The following NSUN6 variants were observed in gnomAD, a reference collection of about 807,000 sequenced individuals.
NSUN6 encodes the protein tRNA (cytosine(72)-C(5))-methyltransferase NSUN6.
NSUN6 carries 64 observed loss-of-function variants against 58.0 expected under a neutral mutation model. The observed-to-expected ratio is 1.10, with a 90% CI of 0.90 to 1.36. NSUN6 has a LOEUF of 1.36. NSUN6 is among the 40% of genes most tolerant of loss of function. The pLI is 0.00. For synonymous variants in NSUN6, 231 were observed against 193.9 expected (o/e 1.19, Z -1.59); for missense variants, 701 against 550.1 (o/e 1.27, Z -2.74).
intron 3 of NSUN6, among the ~76,000 whole-genome samples, chr10:18,635,693 C>A (rs2059189191): frequency 6.6e-6 from 1 of 151,556 alleles, no homozygotes; most frequent in Non-Finnish European, 1.5e-5. Context: ...CAAAAATTAG[C>A]CAGGTATGGT....
intron 8 of NSUN6, among the ~76,000 whole-genome samples, chr10:18,578,854 A>G (rs1275853876): frequency 6.6e-6 from 1 of 152,192 alleles, no homozygotes; most frequent in Non-Finnish European, 1.5e-5. Context: ...GCTGCATTTC[A>G]GCGCACTCAC....
Position 18,577,743 on chromosome 10 carries a change from A to G in NSUN6, c.922+8206T>C, listed in dbSNP as rs926233132. 3.3e-5 allele frequency among the ~76,000 whole-genome samples: 5 copies of G among 152,174 alleles called. No individual in the cohort carries two copies. In the South Asian group the frequency reaches 1.0e-3, roughly 31 times the overall value. ...TACTTTTAAACTTAACTTCCTCGTA[A>G]CCCAACCTTTATCGATCACCTGCTC... On this transcript the variant is annotated intron_variant, in intron 8 of 10. Transcript: ENST00000377304.
intron 6 of NSUN6, among the ~76,000 whole-genome samples, chr10:18,603,960 G>C (rs1231047181): frequency 6.6e-6 from 1 of 152,150 alleles, no homozygotes; most frequent in Non-Finnish European, 1.5e-5. Flanking sequence ...AAGGCAGGCA[G>C]ATCACGAAGT....
intron 5 of NSUN6, among the ~76,000 whole-genome samples, chr10:18,613,572 A>G (rs912978020): frequency 6.6e-6 from 1 of 152,194 alleles, no homozygotes; most frequent in Non-Finnish European, 1.5e-5. Context: ...TCAATTACCA[A>G]TTACAGGTCC....
At chr10:18,654,137 C>A (rs952308942), upstream of NSUN6, among the ~76,000 whole-genome samples, 1 of 152,000 alleles carries the variant, frequency 6.6e-6, no homozygotes, top group Non-Finnish European at 1.5e-5. Context: ...ACTCTGTCGC[C>A]CAGGCTGGAG....
intron 2 of NSUN6, among the ~76,000 whole-genome samples, chr10:18,643,774 G>C (rs572827656): frequency 6.6e-6 from 1 of 152,036 alleles, no homozygotes; most frequent in African/African-American, 2.4e-5. Context: ...AATGAACTTT[G>C]ATTTTTGTTT....
chr10:18,564,201 C>CT (rs1291052576), intron 8 of NSUN6, among the ~76,000 whole-genome samples: 13 of 150,808 alleles, frequency 8.6e-5, no homozygotes, highest in Non-Finnish European at 1.9e-4. Context: ...CCATTTCATT[C>CT]TCCACTGTAA....
chr10:18,618,100 T>C (rs2058476125), intron 3 of NSUN6, among the ~76,000 whole-genome samples: 1 of 152,214 alleles, frequency 6.6e-6, no homozygotes, highest in Non-Finnish European at 1.5e-5. Context: ...AATCAAGCTA[T>C]CTTCTAGTTC....
At chr10:18,647,758 A>T in intron 2 of NSUN6, among the ~76,000 whole-genome samples, 1 of 121,748 alleles carries the variant, frequency 8.2e-6, no homozygotes, top group South Asian at 2.5e-4. Flanking sequence ...TTTTTGAGAC[A>T]GAGTCTCATT....
At chr10:18,572,655 TCATTC>T (rs1222606244) in intron 8 of NSUN6, among the ~76,000 whole-genome samples, 3 of 147,242 alleles carry the variant, frequency 2.0e-5, no homozygotes, top group Admixed American at 6.8e-5. Context: ...ATTCCATTCT[TCATTC>T]CATTCCATTC....
chr10:18,553,529 AGAATGGAATGAAAGGGAGGATG>A (rs2054757717), intron 8 of NSUN6, among the ~76,000 whole-genome samples: 1 of 151,556 alleles, frequency 6.6e-6, no homozygotes, highest in African/African-American at 2.4e-5. Flanking sequence ...AATGGAGTGG[AGAATGGAATGAAAGGGAGGATG>A]GAATGGAATG....
At chr10:18,634,955 C>A (rs901687876) in intron 3 of NSUN6, among the ~76,000 whole-genome samples, 3 of 152,064 alleles carry the variant, frequency 2.0e-5, no homozygotes, top group Admixed American at 6.6e-5. Flanking sequence ...AGAAACAGTT[C>A]CCAACGGTGA....
intron 8 of NSUN6, among the ~76,000 whole-genome samples, chr10:18,557,700 G>T (rs540291570): frequency 6.8e-6 from 1 of 146,674 alleles, no homozygotes; most frequent in East Asian, 2.1e-4. Flanking sequence ...AATGGAAAGC[G>T]GAATGAAATG....
At chr10:18,558,652 AGAG>A (rs1293058463) in intron 8 of NSUN6, among the ~76,000 whole-genome samples, 3 of 150,212 alleles carry the variant, frequency 2.0e-5, no homozygotes, top group Non-Finnish European at 4.5e-5. Flanking sequence ...AATGGAAGGG[AGAG>A]TGGAAAGGAA....
At chr10:18,555,999 G>C (rs1042472176) in intron 8 of NSUN6, among the ~76,000 whole-genome samples, 3 of 150,038 alleles carry the variant, frequency 2.0e-5, no homozygotes, top group African/African-American at 7.3e-5. Flanking sequence ...ATAATAGAAT[G>C]GAATATGGAA....
chr10:18,596,264 AGTCTAGAATCTTCTCTCCAG>A lies in NSUN6; in HGVS notation c.701_720del (p.Pro234LeufsTer18), dbSNP rs2057581981. ...GTTTTCCCTCCAGGTGCTGCACACA[AGTCTAGAATCTTCTCTCCAG>A]GTTGAGGATTTAGTACATGACTTAC... On this transcript the variant is annotated frameshift_variant, in exon 7 of 11. Transcript: ENST00000377304. LOFTEE classifies it high-confidence loss of function. 6.2e-7 allele frequency: 1 copy of A among 1,607,718 alleles called. No homozygotes were observed. The highest frequency in any genetic ancestry group is 1.3e-5 in the African/African-American group (1 of 74,832).
intron 5 of NSUN6, 84 bp downstream of exon 5, chr10:18,614,376 C>A: frequency 1.3e-6 from 1 of 786,698 alleles, no homozygotes. Flanking sequence ...TCATATAATG[C>A]AACTAGATAC....
chr10:18,628,159 C>T (rs10829042), intron 3 of NSUN6, among the ~76,000 whole-genome samples: 2 of 151,972 alleles, frequency 1.3e-5, no homozygotes, highest in East Asian at 3.9e-4. Context: ...ACACCTCACA[C>T]GGTCAGGTAC....
chr10:18,581,770 G>A (rs1292317885), intron 8 of NSUN6, among the ~76,000 whole-genome samples: 1 of 151,488 alleles, frequency 6.6e-6, no homozygotes, highest in Middle Eastern at 3.2e-3. Flanking sequence ...AGGCTGAAGT[G>A]AGCCGAGATC....
Sources: allele counts gnomAD v4.1 joint callset (sites outside exome capture counted in the v4.1 genomes callset), GRCh38; gene constraint gnomAD v4.1.1; transcripts MANE v1.5; gene names NCBI Gene and HGNC (gene_info 2026-07-23, HGNC 2026-07-21).